TPTE: variants seen among roughly 807,000 people sequenced by gnomAD.
TPTE encodes the protein putative tyrosine-protein phosphatase TPTE.
In TPTE, 59 loss-of-function variants were observed where a neutral mutation model predicts 84.1. The ratio of observed to expected loss-of-function variants is 0.70; its 90% CI spans 0.57 to 0.87. The LOEUF (loss-of-function observed/expected upper bound fraction) is 0.87. TPTE is among the 40% of genes least tolerant of loss of function. TPTE has a pLI of 0.00. For synonymous variants in TPTE, 130 were observed against 223.5 expected, an observed-to-expected ratio of 0.58 and a Z score of 3.73; for missense variants, 382 against 659.6, an observed-to-expected ratio of 0.58 and a Z score of 4.61.
chr21:10,554,794 C>T (rs2074647632), intron 8 of TPTE, among the ~76,000 whole-genome samples: 1 of 152,306 alleles, frequency 6.6e-6, no homozygotes, highest in South Asian at 2.1e-4. Context: ...AATATCTGCC[C>T]TGAATTTACT....
chr21:10,573,941 A>G (rs1290837370), intron 14 of TPTE, among the ~76,000 whole-genome samples: 1 of 152,312 alleles, frequency 6.6e-6, no homozygotes, highest in Non-Finnish European at 1.5e-5. Context: ...TTATTGGACA[A>G]TGCAAATTAC....
At chr21:10,575,696 C>T (rs1474593272) in intron 14 of TPTE, among the ~76,000 whole-genome samples, 8 of 152,298 alleles carry the variant, frequency 5.3e-5, no homozygotes, top group African/African-American at 1.7e-4. Flanking sequence ...TCAGCCTTCA[C>T]TGGTAATATC....
At chr21:10,534,831 T>G (rs1391030408) in intron 3 of TPTE, among the ~76,000 whole-genome samples, 1 of 152,310 alleles carries the variant, frequency 6.6e-6, no homozygotes, top group Admixed American at 6.5e-5. Context: ...GAAGTCTACT[T>G]CTTCCTAGCT....
chr21:10,597,001 A>C (rs1381521518), intron 20 of TPTE, among the ~76,000 whole-genome samples: 2 of 152,310 alleles, frequency 1.3e-5, no homozygotes, highest in Non-Finnish European at 2.9e-5. Flanking sequence ...ATGAACAAAG[A>C]TAATACACTA....
At chr21:10,550,894 A>G (rs1181613543) in intron 7 of TPTE, among the ~76,000 whole-genome samples, 1 of 152,312 alleles carries the variant, frequency 6.6e-6, no homozygotes, top group East Asian at 1.9e-4. Flanking sequence ...TTGAAATTCT[A>G]TCAGGTATCT....
chr21:10,548,132 C>T (rs1220401130), intron 7 of TPTE, among the ~76,000 whole-genome samples: 7 of 152,304 alleles, frequency 4.6e-5, no homozygotes, highest in African/African-American at 1.7e-4. Context: ...GGGCCTTGCA[C>T]CTGTATCTCA....
intron 19 of TPTE, among the ~76,000 whole-genome samples, chr21:10,593,542 C>T (rs1263862515): frequency 6.6e-6 from 1 of 152,304 alleles, no homozygotes; most frequent in Non-Finnish European, 1.5e-5. Flanking sequence ...TATCCTATAG[C>T]ATTTACAACA....
chr21:10,540,400 G>C (rs1337671616), intron 4 of TPTE, among the ~76,000 whole-genome samples: 1 of 152,304 alleles, frequency 6.6e-6, no homozygotes, highest in African/African-American at 2.4e-5. Flanking sequence ...GATGGAGGTA[G>C]GAAAATGGGG....
chr21:10,549,286 A>G (rs2074528641), intron 7 of TPTE, among the ~76,000 whole-genome samples: 1 of 152,312 alleles, frequency 6.6e-6, no homozygotes, highest in Non-Finnish European at 1.5e-5. Context: ...ATGCGTAGAA[A>G]TCAATTTAGA....
chr21:10,526,606 TGG>T (rs2074083631), intron 2 of TPTE, among the ~76,000 whole-genome samples: 2 of 152,306 alleles, frequency 1.3e-5, no homozygotes, highest in Non-Finnish European at 2.9e-5. Flanking sequence ...TAGAAAATTG[TGG>T]TGAAGAGCAT....
At chr21:10,572,467 A>C (rs1403953615) in intron 14 of TPTE, among the ~76,000 whole-genome samples, 1 of 151,858 alleles carries the variant, frequency 6.6e-6, no homozygotes, top group Non-Finnish European at 1.5e-5. Context: ...AAAAAAAAAA[A>C]AAAAAGGAAA....
intron 17 of TPTE, among the ~76,000 whole-genome samples, chr21:10,580,537 G>A (rs543590781): frequency 6.6e-5 from 10 of 152,396 alleles, no homozygotes; most frequent in African/African-American, 2.4e-4. Flanking sequence ...TATTGGGTGA[G>A]ATAGGTTGCA....
At chr21:10,562,696 C>G (rs1447336904) in intron 10 of TPTE, among the ~76,000 whole-genome samples, 4 of 152,302 alleles carry the variant, frequency 2.6e-5, no homozygotes, top group Admixed American at 6.5e-5. Flanking sequence ...AGCTTGAAGA[C>G]AGGCTATTTC....
chr21:10,526,385 T>C (rs2074079401), intron 2 of TPTE, among the ~76,000 whole-genome samples: 1 of 152,306 alleles, frequency 6.6e-6, no homozygotes, highest in Admixed American at 6.5e-5. Context: ...AATTAGTTTG[T>C]GTAGGGGAAC....
chr21:10,574,431 A>G (rs1433435887), intron 14 of TPTE, among the ~76,000 whole-genome samples: 4 of 152,312 alleles, frequency 2.6e-5, no homozygotes, highest in Non-Finnish European at 5.9e-5. Flanking sequence ...TTTTATCAAG[A>G]AACTAGTGAT....
intron 14 of TPTE, among the ~76,000 whole-genome samples, chr21:10,575,606 T>A (rs557523887): frequency 2.8e-3 from 432 of 151,762 alleles, no homozygotes; most frequent in Middle Eastern, 0.01. Flanking sequence ...CTTGCAGGTA[T>A]GTGCGGGCTG....
chr21:10,530,366 A>G (rs879884706), intron 3 of TPTE, among the ~76,000 whole-genome samples: 191 of 152,368 alleles, frequency 1.3e-3, no homozygotes, highest in African/African-American at 4.5e-3. Context: ...TATGTTTAAT[A>G]CACAGTATAT....
rs545963369 is a variant in TPTE, at chr21:10,548,843, G to A, written c.174-3814G>A. 1.5e-4 allele frequency among the ~76,000 whole-genome samples: 23 copies of A among 152,426 alleles called. No homozygotes were observed. The South Asian group carries it at 2.5e-3, about 16-fold the overall frequency. On this transcript the variant is annotated intron_variant, in intron 7 of 23. Coordinates refer to ENST00000618007, the MANE Select transcript of TPTE (RefSeq NM_199261.4). ...GCTTCCAGGCCAGGCAAACAGCTGT[G>A]TGCCTGCATCCTGGGCCTGAGAAAC...
At chr21:10,551,157 C>T (rs542926374) in intron 7 of TPTE, among the ~76,000 whole-genome samples, 1 of 152,424 alleles carries the variant, frequency 6.6e-6, no homozygotes, top group East Asian at 1.9e-4. Flanking sequence ...GACATGAACT[C>T]ATCATTTTTT....
Sources: allele counts gnomAD v4.1 joint callset (sites outside exome capture counted in the v4.1 genomes callset), GRCh38; gene constraint gnomAD v4.1.1; transcripts MANE v1.5; gene names NCBI Gene and HGNC (gene_info 2026-07-23, HGNC 2026-07-21).